The following CHUK variants were observed in gnomAD, a reference collection of about 807,000 sequenced individuals.
CHUK encodes component of inhibitor of nuclear factor kappa B kinase complex.
In CHUK, 35 loss-of-function variants were observed where a neutral mutation model predicts 104.8. That is an observed-to-expected ratio of 0.33 (90% CI 0.26 to 0.44). The LOEUF is 0.44. Among genes scored for constraint, CHUK ranks in the 20% least tolerant of loss-of-function variants. The pLI is 1.00. For missense variants in CHUK, 663 were observed against 902.7 expected (o/e 0.73, Z 3.40); for synonymous variants, 276 against 291.9 (o/e 0.95, Z 0.56).
rs1356956768 is a variant in CHUK at position 100,218,777 on chromosome 10, T to C, written c.738A>G (p.Glu246=). 1.9e-6 allele frequency: 3 copies of C among 1,613,854 alleles called. No individual in the cohort carries two copies. The highest frequency in any genetic ancestry group is 2.5e-6 in the Non-Finnish European group (3 of 1,179,902). Residue 246 remains glutamate, a synonymous_variant, in exon 8 of 21, where the codon GAA becomes GAG. Coordinates refer to ENST00000370397, the MANE Select transcript of CHUK (RefSeq NM_001278.5). ...TAAACCGAACTTCTCCTGACATCTC[T>C]TCACATGCAAATATACACTTTGGAT... The part of the protein sequence containing the change: ...KKDPKCIFAC[E]EMSGEVRFSS...
At chr10:100,212,341 G>A (rs1314474065) in intron 9 of CHUK, among the ~76,000 whole-genome samples, 1 of 152,136 alleles carries the variant, frequency 6.6e-6, no homozygotes, top group African/African-American at 2.4e-5. Context: ...CCCAACAGGT[G>A]GGGGGTGATA....
Position 100,189,058 on chromosome 10 carries a change from T to A in CHUK, c.*540A>T, listed in dbSNP as rs1845135265. The A allele has an allele frequency of 1.3e-5, 2 of 153,294 alleles. No individual in the cohort carries two copies. Among genetic ancestry groups the A allele is most frequent in the African/African-American group, 4.8e-5 (2 of 41,452 alleles). The allele number at this position is 153,294 out of a possible 1,614,324, so 9.5% of individuals were successfully genotyped here. On this transcript the variant is annotated 3_prime_UTR_variant, in exon 21 of 21. Coordinates refer to ENST00000370397, the MANE Select transcript of CHUK (RefSeq NM_001278.5). Reference sequence around the variant, plus strand: ...ATTTAAAATGATTACACCAACTCCTTATGATGCCAGGAAGAGAACCTGTTC... The same window carrying A: ...ATTTAAAATGATTACACCAACTCCTAATGATGCCAGGAAGAGAACCTGTTC...
rs766324175 is a variant in CHUK at position 100,218,705 on chromosome 10, A to G, written c.797+13T>C. The G allele has an allele frequency of 7.0e-6, 11 of 1,566,938 alleles. No homozygotes were observed. Among genetic ancestry groups the G allele is most frequent in the East Asian group, 4.5e-5 (2 of 44,616 alleles). On this transcript the variant is annotated intron_variant, in intron 8 of 20. Transcript: ENST00000370397. ...GAAACTGAGGCAAACTTCCTTAACTAAAATATACTTACCTACAAAGGCTAT... is the reference window on the plus strand; with the variant it reads ...GAAACTGAGGCAAACTTCCTTAACTGAAATATACTTACCTACAAAGGCTAT...
At chr10:100,193,242 A>G (rs1250245295) in intron 19 of CHUK, 56 bp downstream of exon 19, 4 of 1,595,654 alleles carry the variant, frequency 2.5e-6, no homozygotes, top group Admixed American at 3.3e-5. Context: ...CTACTGCCTC[A>G]TTCCTATACC....
At chr10:100,200,903 C>T (rs190732354) in intron 14 of CHUK, 123 bp from the exon 15 acceptor site, 16 of 697,626 alleles carry the variant, frequency 2.3e-5, no homozygotes, top group Middle Eastern at 2.6e-4. Context: ...TAATATAATA[C>T]GAAACACTGA....
chr10:100,208,049 GGACCTATGAGACTGCTGT>G (rs1845631123), intron 10 of CHUK, among the ~76,000 whole-genome samples: 1 of 152,172 alleles, frequency 6.6e-6, no homozygotes, highest in Non-Finnish European at 1.5e-5. Context: ...TCCTTTGGCA[GGACCTATGAGACTGCTGT>G]TCTCACAGTA....
intron 9 of CHUK, among the ~76,000 whole-genome samples, chr10:100,217,340 G>A (rs1845881828): frequency 6.6e-6 from 1 of 151,874 alleles, no homozygotes; most frequent in South Asian, 2.1e-4. Context: ...AGTACATATT[G>A]AATGAACTAT....
At position 100,194,455 on chromosome 10, in the gene CHUK, C is replaced by T. The variant is rs777268657; in HGVS notation, c.1796G>A (p.Arg599His). 8.7e-6 allele frequency: 14 copies of T among 1,613,200 alleles called. No homozygotes were observed. The highest frequency in any genetic ancestry group is 5.0e-5 in the Admixed American group (3 of 59,974). Residue 599 changes from arginine (R) to histidine (H), a missense_variant, in exon 17 of 21, where the codon CGT becomes CAT. Coordinates refer to ENST00000370397, the MANE Select transcript of CHUK (RefSeq NM_001278.5). ...IIVHTVQSQD[R>H]VLKELFGHLS... ...ATGACCAAACAGCTCCTTGAGCACA[C>T]GGTCCTGACTCTGCACAGTGTGCAC... is the stretch of plus-strand genomic sequence containing the variant.
At chr10:100,228,095 G>A (rs963701083) in intron 1 of CHUK, among the ~76,000 whole-genome samples, 11 of 152,164 alleles carry the variant, frequency 7.2e-5, no homozygotes, top group Non-Finnish European at 1.5e-5. Context: ...GGGCTTTCAT[G>A]GGTCAGGTAC....
intron 10 of CHUK, among the ~76,000 whole-genome samples, chr10:100,209,257 C>T (rs1481881424): frequency 6.6e-6 from 1 of 152,180 alleles, no homozygotes; most frequent in Non-Finnish European, 1.5e-5. Flanking sequence ...TCCAGGCCTT[C>T]TACCTGTAAC....
chr10:100,209,460 A>G, intron 10 of CHUK, 135 bp downstream of exon 10: 1 of 672,388 alleles, frequency 1.5e-6, no homozygotes, highest in South Asian at 1.6e-5. Flanking sequence ...AAGCAATGAT[A>G]AGAGTTGGGA....
chr10:100,206,437 C>T (rs1012967100), intron 11 of CHUK, among the ~76,000 whole-genome samples: 1 of 151,260 alleles, frequency 6.6e-6, no homozygotes, highest in African/African-American at 2.4e-5. Context: ...GAACTCTGTA[C>T]TATCTGCCCA....
intron 11 of CHUK, among the ~76,000 whole-genome samples, chr10:100,206,799 G>C (rs1471406253): frequency 6.6e-6 from 1 of 152,056 alleles, no homozygotes; most frequent in Non-Finnish European, 1.5e-5. Flanking sequence ...ACTTTATTTG[G>C]ACAGATATAC....
At chr10:100,207,692 T>A (rs557503674) in intron 10 of CHUK, among the ~76,000 whole-genome samples, 6 of 152,206 alleles carry the variant, frequency 3.9e-5, no homozygotes, top group Non-Finnish European at 8.8e-5. Context: ...ATATATTACA[T>A]AATTCCATTT....
intron 17 of CHUK, 89 bp from the exon 18 acceptor site, chr10:100,194,220 A>AAG: frequency 7.1e-7 from 1 of 1,409,236 alleles, no homozygotes; most frequent in Admixed American, 1.7e-5. Context: ...AATGAACCAC[A>AAG]ATCAGCATCA....
At chr10:100,204,789 T>C (rs1211919599) in intron 12 of CHUK, 132 bp from the exon 13 acceptor site, 5 of 800,366 alleles carry the variant, frequency 6.2e-6, no homozygotes, top group South Asian at 1.7e-5. Flanking sequence ...CTATGAGAAA[T>C]AACTGAGCTC....
At chr10:100,202,044 C>T in intron 14 of CHUK, 44 bp downstream of exon 14, 1 of 1,340,534 alleles carries the variant, frequency 7.5e-7, no homozygotes, top group Non-Finnish European at 1.1e-6. Context: ...CTAATGGAGA[C>T]ATCAAGAATT....
chr10:100,215,919 A>G (rs1449973498), intron 9 of CHUK, among the ~76,000 whole-genome samples: 1 of 152,172 alleles, frequency 6.6e-6, no homozygotes, highest in East Asian at 1.9e-4. Context: ...TCCTATTATC[A>G]TGTCTAACAA....
At chr10:100,190,439 G>A in intron 20 of CHUK, 1 of 200,246 alleles carries the variant, frequency 5.0e-6, no homozygotes, top group Non-Finnish European at 1.0e-5. Context: ...CAAATCAGTA[G>A]TTTATAGTAA....
Sources: gnomAD v4.1 joint callset for allele counts (sites outside exome capture counted in the v4.1 genomes callset) on GRCh38, gnomAD v4.1.1 for gene constraint, MANE v1.5 for transcripts, NCBI Gene and HGNC (gene_info 2026-07-23, HGNC 2026-07-21) for gene names.